The following ZNF713 variants were observed in gnomAD, a reference collection of about 807,000 sequenced individuals.
The protein encoded by ZNF713 is zinc finger protein 713.
ZNF713 carries 21 observed loss-of-function variants against 28.7 expected under a neutral mutation model. That is an observed-to-expected ratio of 0.73 (90% CI 0.52 to 1.05). The LOEUF is 1.05. Ranked by LOEUF, ZNF713 falls within the 50% of genes least tolerant of loss-of-function variation. The pLI, the probability that ZNF713 is intolerant of heterozygous loss-of-function variation, is 0.00. For missense variants in ZNF713, 458 were observed against 532.4 expected (o/e 0.86, Z 1.37); for synonymous variants, 167 against 178.0 (o/e 0.94, Z 0.49).
chr7:55,927,393 T>C (rs1225715232), intron 6 of ZNF713, among the ~76,000 whole-genome samples: 1 of 150,824 alleles, frequency 6.6e-6, no homozygotes, highest in African/African-American at 2.4e-5. Context: ...TGTGGAGGTA[T>C]GAGCCTGTAG....
rs1786481170 is a variant in ZNF713 at position 55,942,159 on chromosome 7, G to A, written c.*2153G>A. 1 of 152,146 alleles carries A rather than the reference G, an allele frequency of 6.6e-6. No individual in the cohort carries two copies. Among genetic ancestry groups the A allele is most frequent in the Admixed American group, 6.5e-5 (1 of 15,270 alleles). The allele number at this position is 152,146 out of a possible 1,614,324, so 9.4% of individuals were successfully genotyped here. On this transcript the variant is annotated 3_prime_UTR_variant, in exon 7 of 7. Transcript: ENST00000429591. The stretch of plus-strand genomic sequence containing the variant: ...ACTGTACCTGCGGGTGAGCCCTGGT[G>A]CCATGTTGAGGGTGGGAATCAGGAG...
intron 6 of ZNF713, chr7:55,924,179 A>G (rs1415647863): frequency 6.5e-6 from 1 of 153,694 alleles, no homozygotes; most frequent in African/African-American, 2.4e-5. Flanking sequence ...TGACACTTGT[A>G]TACAACCCAC....
chr7:55,923,845 C>T, intron 6 of ZNF713, 146 bp downstream of exon 6: 2 of 553,880 alleles, frequency 3.6e-6, no homozygotes, highest in Middle Eastern at 4.8e-4. Flanking sequence ...TTATATTTTT[C>T]TGAATTTGAA....
intron 6 of ZNF713, among the ~76,000 whole-genome samples, chr7:55,934,819 T>G (rs1281066142): frequency 1.3e-5 from 2 of 151,812 alleles, no homozygotes; most frequent in African/African-American, 4.8e-5. Flanking sequence ...TAGAGCCTTT[T>G]AAGAGAACAA....
intron 4 of ZNF713, among the ~76,000 whole-genome samples, chr7:55,920,011 CT>C (rs1785964906): frequency 6.6e-6 from 1 of 152,178 alleles, no homozygotes. Flanking sequence ...GCTCCACCAT[CT>C]GGCTGTTCCT....
At position 55,923,607 on chromosome 7, in the gene ZNF713, G is replaced by T. The variant is rs768003402; in HGVS notation, c.215G>T (p.Gly72Val). 13 of 1,596,298 alleles carry T rather than the reference G, an allele frequency of 8.1e-6. No individual in the cohort carries two copies. In the Admixed American group the frequency reaches 2.2e-4, roughly 28 times the overall value. The change falls in exon 6 of 7, where the codon GGG (glycine) becomes GTG (valine). Residue 72 changes from glycine (G) to valine (V), a missense_variant and splice_region_variant. Transcript: ENST00000429591. ...AGATGTATGTTACTCCTGTGAATAGGGTATCAGCTTTGTAAGCCAGAGGTA... is the reference window on the plus strand; with the variant it reads ...AGATGTATGTTACTCCTGTGAATAGTGTATCAGCTTTGTAAGCCAGAGGTA... ...LENYRNLVALGYQLCKPEVIA... is the reference protein window; with the variant it reads ...LENYRNLVALVYQLCKPEVIA...
intron 6 of ZNF713, among the ~76,000 whole-genome samples, chr7:55,927,977 A>ACAT (rs1211743937): frequency 1.6e-4 from 23 of 147,282 alleles, no homozygotes; most frequent in African/African-American, 5.2e-4. Context: ...AGAGGGAAGG[A>ACAT]CATTAGGGTG....
At chr7:55,921,330 G>A (rs1360371434) in intron 4 of ZNF713, among the ~76,000 whole-genome samples, 1 of 152,182 alleles carries the variant, frequency 6.6e-6, no homozygotes. Context: ...ACGGATCAAG[G>A]AGTAATTTTG....
intron 6 of ZNF713, among the ~76,000 whole-genome samples, chr7:55,932,010 T>A (rs779036279): frequency 5.3e-5 from 8 of 152,212 alleles, no homozygotes; most frequent in Non-Finnish European, 1.2e-4. Flanking sequence ...AAAGTCCACG[T>A]GCAACAGAAG....
intron 4 of ZNF713, among the ~76,000 whole-genome samples, chr7:55,921,960 G>C (rs1785999859): frequency 6.6e-6 from 1 of 152,042 alleles, no homozygotes; most frequent in Non-Finnish European, 1.5e-5. Context: ...GAGTCTCGCT[G>C]TGTCGCCCAG....
chr7:55,896,476 T>A (rs1278358959), intron 1 of ZNF713, among the ~76,000 whole-genome samples: 1 of 152,066 alleles, frequency 6.6e-6, no homozygotes, highest in Non-Finnish European at 1.5e-5. Flanking sequence ...ACCAATTTTT[T>A]ACTGTTGAAG....
intron 4 of ZNF713, among the ~76,000 whole-genome samples, chr7:55,920,717 A>G (rs1391625691): frequency 6.6e-6 from 1 of 152,248 alleles, no homozygotes. Flanking sequence ...TTCAGTGCAG[A>G]TGAAACAGCC....
At chr7:55,899,835 A>G (rs184164764) in intron 1 of ZNF713, among the ~76,000 whole-genome samples, 4 of 152,074 alleles carry the variant, frequency 2.6e-5, no homozygotes, top group Admixed American at 6.5e-5. Context: ...TCTGTCTCCC[A>G]GGTTCAAGTG....
At chr7:55,897,404 C>T (rs1003293299) in intron 1 of ZNF713, among the ~76,000 whole-genome samples, 3 of 151,920 alleles carry the variant, frequency 2.0e-5, no homozygotes, top group African/African-American at 7.3e-5. Context: ...CTCAGCCTCC[C>T]GAATAGCTGG....
At chr7:55,891,892 GA>G (rs1478993394) in intron 1 of ZNF713, among the ~76,000 whole-genome samples, 1 of 152,026 alleles carries the variant, frequency 6.6e-6, no homozygotes, top group Non-Finnish European at 1.5e-5. Flanking sequence ...TTATTTAATA[GA>G]AAAAAATTAA....
chr7:55,929,641 G>A (rs1219452682), intron 6 of ZNF713, among the ~76,000 whole-genome samples: 2 of 151,444 alleles, frequency 1.3e-5, no homozygotes, highest in Non-Finnish European at 2.9e-5. Context: ...TGTAGTCCCA[G>A]CTACTCAGGA....
At chr7:55,932,815 C>T (rs1392290528) in intron 6 of ZNF713, among the ~76,000 whole-genome samples, 3 of 125,986 alleles carry the variant, frequency 2.4e-5, no homozygotes, top group Non-Finnish European at 4.7e-5. Flanking sequence ...ACCCGGGAAG[C>T]GGAGCTTGCA....
At chr7:55,921,406 C>T (rs192922462) in intron 4 of ZNF713, among the ~76,000 whole-genome samples, 350 of 152,230 alleles carry the variant, frequency 2.3e-3, no homozygotes, top group Non-Finnish European at 3.5e-3. Context: ...ATAGTGATTC[C>T]TCTGATGGAT....
intron 6 of ZNF713, among the ~76,000 whole-genome samples, chr7:55,936,429 C>T (rs1388588425): frequency 6.6e-6 from 1 of 152,068 alleles, no homozygotes; most frequent in South Asian, 2.1e-4. Context: ...ACCCAGTTTC[C>T]CATGACAGTT....
Sources: allele counts gnomAD v4.1 joint callset (sites outside exome capture counted in the v4.1 genomes callset), GRCh38; gene constraint gnomAD v4.1.1; transcripts MANE v1.5; gene names NCBI Gene and HGNC (gene_info 2026-07-23, HGNC 2026-07-21).